KDM4B: variants seen among roughly 807,000 people sequenced by gnomAD.
KDM4B encodes lysine demethylase 4B, also known as lysine-specific demethylase 4B.
Under a neutral mutation model 125.2 loss-of-function variants are expected in KDM4B, and 32 were observed. The observed-to-expected ratio is 0.26, with a 90% CI of 0.19 to 0.34. KDM4B has a LOEUF of 0.34. Among genes scored for constraint, KDM4B ranks in the 10% least tolerant of loss-of-function variants. The pLI is 1.00. For synonymous variants in KDM4B, 721 were observed against 677.9 expected, an observed-to-expected ratio of 1.06 and a Z score of -0.99; for missense variants, 1,190 against 1,577.7, an observed-to-expected ratio of 0.75 and a Z score of 4.16.
intron 1 of KDM4B, among the ~76,000 whole-genome samples, chr19:4,983,432 C>T (rs918862681): frequency 2.0e-5 from 3 of 152,230 alleles, no homozygotes; most frequent in African/African-American, 4.8e-5. Flanking sequence ...CACGCTGCGA[C>T]AGGTGCGGCT....
chr19:4,980,640 C>T (rs1453576550), intron 1 of KDM4B, among the ~76,000 whole-genome samples: 3 of 151,986 alleles, frequency 2.0e-5, no homozygotes, highest in Non-Finnish European at 4.4e-5. Flanking sequence ...CATGGCCAGG[C>T]TGGTCTCGAA....
At chr19:5,140,934 CT>C (rs1220193772) in intron 18 of KDM4B, 1 of 152,252 alleles carries the variant, frequency 6.6e-6, no homozygotes, top group Non-Finnish European at 1.5e-5. Flanking sequence ...CTTTTCCTGC[CT>C]GGTTTATCTT....
At chr19:5,111,567 C>T (rs1555715572) in intron 10 of KDM4B, 1 of 756,092 alleles carries the variant, frequency 1.3e-6, no homozygotes, top group Non-Finnish European at 2.4e-6. Context: ...CTCCCCAGCC[C>T]CTCCTCTGGG....
chr19:5,033,544 C>T (rs932973829), intron 3 of KDM4B, among the ~76,000 whole-genome samples: 8 of 151,618 alleles, frequency 5.3e-5, no homozygotes, highest in African/African-American at 9.7e-5. Flanking sequence ...CGTGCTACTG[C>T]GCTCCTGCCC....
intron 5 of KDM4B, among the ~76,000 whole-genome samples, chr19:5,041,693 C>A (rs940485154): frequency 6.6e-6 from 1 of 152,252 alleles, no homozygotes; most frequent in African/African-American, 2.4e-5. Flanking sequence ...CATCCCGAGC[C>A]TGGTCTGCTG....
intron 20 of KDM4B, 138 bp downstream of exon 20, chr19:5,144,550 G>T (rs894988247): frequency 3.2e-6 from 3 of 947,686 alleles, no homozygotes; most frequent in Non-Finnish European, 3.0e-6. Context: ...CCTTCATGGG[G>T]TCCCCTTGTC....
intron 5 of KDM4B, among the ~76,000 whole-genome samples, chr19:5,045,028 TG>T (rs2036980127): frequency 6.6e-6 from 1 of 152,218 alleles, no homozygotes; most frequent in Non-Finnish European, 1.5e-5. Context: ...TTGGTCAATG[TG>T]GGCAGAAGTT....
rs13346355 is a variant in KDM4B, at chr19:5,116,511, G to A, written c.1116-3142G>A. On this transcript the variant is annotated intron_variant, in intron 10 of 22. Coordinates refer to ENST00000159111, the MANE Select transcript of KDM4B (RefSeq NM_015015.3). ...CTCCAGCTAAACAAGGATGTAAATC[G>A]AGAAAGCCATGGGGTTGAGGAAACA... 6.0e-3 allele frequency among the ~76,000 whole-genome samples: 921 copies of A among 152,292 alleles called. 20 individuals are homozygous for A. Among genetic ancestry groups the A allele is most frequent in the African/African-American group, 0.021 (867 of 41,554 alleles).
intron 1 of KDM4B, among the ~76,000 whole-genome samples, chr19:4,988,268 T>C (rs1276974347): frequency 6.6e-6 from 1 of 152,210 alleles, no homozygotes; most frequent in Admixed American, 6.5e-5. Context: ...AGCCTTCTCA[T>C]GAACCCTTCT....
chr19:4,988,336 T>C (rs1021705432), intron 1 of KDM4B, among the ~76,000 whole-genome samples: 17 of 152,032 alleles, frequency 1.1e-4, no homozygotes, highest in African/African-American at 3.6e-4. Context: ...AGTGCAGTGG[T>C]GCGATCTAGG....
rs1422788948 is a variant in KDM4B at position 5,039,983 on chromosome 19, G to A, written c.289G>A (p.Glu97Lys). 1.2e-6 allele frequency: 2 copies of A among 1,611,820 alleles called. No homozygotes were observed. Among genetic ancestry groups the A allele is most frequent in the Non-Finnish European group, 1.7e-6 (2 of 1,179,242 alleles). Residue 97 changes from glutamate (E) to lysine (K), a missense_variant, in exon 4 of 23, where the codon GAG becomes AAG. Glu to Lys is a moderately conservative substitution (Grantham distance 56). Coordinates refer to ENST00000159111, the MANE Select transcript of KDM4B (RefSeq NM_015015.3). Reference sequence around the variant, plus strand: ...CCAGAAGAAGGCCATGACAGTGGGCGAGTACCGCCGCCTGGCCAACAGCGA... The same window carrying A: ...CCAGAAGAAGGCCATGACAGTGGGCAAGTACCGCCGCCTGGCCAACAGCGA... Reference protein sequence around the residue: ...NIQKKAMTVGEYRRLANSEKY... With the variant: ...NIQKKAMTVGKYRRLANSEKY...
chr19:5,065,441 A>AT (rs1322038966), intron 6 of KDM4B, among the ~76,000 whole-genome samples: 1 of 152,236 alleles, frequency 6.6e-6, no homozygotes, highest in Non-Finnish European at 1.5e-5. Flanking sequence ...AGAGGGGAAA[A>AT]TTATATTCAA....
At chr19:5,126,633 G>A (rs866953140) in intron 11 of KDM4B, among the ~76,000 whole-genome samples, 19 of 152,218 alleles carry the variant, frequency 1.2e-4, no homozygotes, top group Admixed American at 7.8e-4. Context: ...TTTAGAACAC[G>A]GAAAGCAAAG....
chr19:5,030,721 C>A (rs995285964), intron 2 of KDM4B, among the ~76,000 whole-genome samples: 28 of 152,368 alleles, frequency 1.8e-4, no homozygotes, highest in Admixed American at 1.5e-3. Flanking sequence ...GTGGCCTAGG[C>A]CCACAACTGC....
intron 9 of KDM4B, among the ~76,000 whole-genome samples, chr19:5,094,328 C>G (rs566576535): frequency 6.6e-6 from 1 of 152,214 alleles, no homozygotes; most frequent in African/African-American, 2.4e-5. Context: ...TGGGGAGGAA[C>G]GAAAATTGCG....
At chr19:5,032,530 G>A (rs182622422) in intron 2 of KDM4B, among the ~76,000 whole-genome samples, 32 of 152,326 alleles carry the variant, frequency 2.1e-4, no homozygotes, top group Middle Eastern at 3.4e-3. Context: ...GATGTGCAGC[G>A]GACGCTGACA....
Position 5,034,451 on chromosome 19 carries a change from A to G in KDM4B, c.141+1420A>G, listed in dbSNP as rs144624302. Among the ~76,000 whole-genome samples the G allele has an allele frequency of 5.7e-3, 873 of 152,166 alleles. 10 individuals are homozygous for G. Among genetic ancestry groups the G allele is most frequent in the African/African-American group, 0.02 (825 of 41,402 alleles). ...AAGTGCACGGCCCTGTGCCAATACA[A>G]CATTATTCCTGGATGCTGGAGGGCA... On this transcript the variant is annotated intron_variant, in intron 3 of 22. Coordinates refer to ENST00000159111, the MANE Select transcript of KDM4B (RefSeq NM_015015.3).
chr19:4,979,376 G>A (rs998095713), intron 1 of KDM4B, among the ~76,000 whole-genome samples: 2 of 152,252 alleles, frequency 1.3e-5, no homozygotes, highest in African/African-American at 2.4e-5. Context: ...GCAGAGCCTT[G>A]TCCATTGTGG....
chr19:5,114,077 C>T lies in KDM4B; in HGVS notation c.1115+3259C>T, dbSNP rs1599214622. 1 of 1,289,266 alleles carries T rather than the reference C, an allele frequency of 7.8e-7. No individual in the cohort carries two copies. The highest frequency in any genetic ancestry group is 1.0e-6 in the Non-Finnish European group (1 of 988,618). The allele number at this position is 1,289,266 out of a possible 1,614,324, so 79.9% of individuals were successfully genotyped here. ...TGCAGCCTGGCTCCTGGCGGGTGCC[C>T]TCAGCCTCCCCACTCCCGGTGGCGC... is the stretch of plus-strand genomic sequence containing the variant. On this transcript the variant is annotated intron_variant, in intron 10 of 22. Coordinates refer to ENST00000159111, the MANE Select transcript of KDM4B (RefSeq NM_015015.3). This position sits in a 1 kb window ranked among gnomAD's most constrained non-coding sequence, Gnocchi z 5.8.
Sources: allele counts gnomAD v4.1 joint callset (sites outside exome capture counted in the v4.1 genomes callset), GRCh38; gene constraint gnomAD v4.1.1; non-coding constraint Gnocchi (gnomAD v3.1); transcripts MANE v1.5; gene names NCBI Gene and HGNC (gene_info 2026-07-23, HGNC 2026-07-21).